STUM: variants seen among roughly 807,000 people sequenced by gnomAD.
The protein encoded by STUM is stum, mechanosensory transduction mediator homolog, also known as protein stum homolog.
In STUM, 8 loss-of-function variants were observed where a neutral mutation model predicts 15.3. The ratio of observed to expected loss-of-function variants is 0.52; its 90% CI spans 0.31 to 0.94. The LOEUF (loss-of-function observed/expected upper bound fraction) is 0.94, where lower values mean the gene tolerates loss of function less well. Among genes scored for constraint, STUM ranks in the 40% least tolerant of loss-of-function variants. The pLI is 0.05. For missense variants in STUM, 142 were observed against 204.9 expected (o/e 0.69, Z 1.87); for synonymous variants, 78 against 88.7 (o/e 0.88, Z 0.68).
At chr1:226,558,868 GGCAGGGTAGGGTA>G (rs1667492900) in intron 1 of STUM, among the ~76,000 whole-genome samples, 1 of 152,172 alleles carries the variant, frequency 6.6e-6, no homozygotes, top group East Asian at 1.9e-4. Context: ...CACAATCTGG[GGCAGGGTAGGGTA>G]GCAGGTGTGT....
chr1:226,584,368 T>C (rs1486490970), intron 1 of STUM, among the ~76,000 whole-genome samples: 1 of 152,266 alleles, frequency 6.6e-6, no homozygotes, highest in East Asian at 1.9e-4. Context: ...TGTTAAGGCC[T>C]GAGCCAGGAA....
intron 1 of STUM, among the ~76,000 whole-genome samples, chr1:226,573,099 A>C (rs1450394334): frequency 6.6e-6 from 1 of 152,164 alleles, no homozygotes; most frequent in African/African-American, 2.4e-5. Flanking sequence ...TTGGTCCAGC[A>C]CCTGCTGTAG....
intron 2 of STUM, chr1:226,597,385 C>T: frequency 2.1e-6 from 1 of 475,386 alleles, no homozygotes; most frequent in South Asian, 1.5e-5. Context: ...CCCATACCAC[C>T]ATCCACGTTC....
At chr1:226,554,952 G>A (rs953894784) in intron 1 of STUM, among the ~76,000 whole-genome samples, 2 of 152,144 alleles carry the variant, frequency 1.3e-5, no homozygotes, top group South Asian at 4.2e-4. Flanking sequence ...TGTCAGGGTC[G>A]CCAGTCTCCT....
At chr1:226,573,572 G>T (rs1667754817) in intron 1 of STUM, among the ~76,000 whole-genome samples, 1 of 152,016 alleles carries the variant, frequency 6.6e-6, no homozygotes, top group South Asian at 2.1e-4. Context: ...CTTTTTACAT[G>T]GTGACTCATA....
intron 1 of STUM, among the ~76,000 whole-genome samples, chr1:226,563,588 C>T (rs1480974090): frequency 1.3e-5 from 2 of 152,252 alleles, no homozygotes; most frequent in East Asian, 1.9e-4. Context: ...TGCAGGATTC[C>T]TTTGGGGCTG....
At position 226,606,002 on chromosome 1, in the gene STUM, C is replaced by A. The variant is rs1459064834; in HGVS notation, c.*3962C>A. On this transcript the variant is annotated 3_prime_UTR_variant, in exon 4 of 4. Coordinates refer to ENST00000366788, the MANE Select transcript of STUM (RefSeq NM_001003665.4). ...ATGCAGGATGCCCAGGGCTCGGAAG[C>A]AGTAAGGAGGATGCTACAGAAAGGA... The A allele has an allele frequency of 1.3e-5, 2 of 152,196 alleles. No homozygotes were observed. The highest frequency in any genetic ancestry group is 4.8e-5 in the African/African-American group (2 of 41,430). The allele number at this position is 152,196 out of a possible 1,614,324, so 9.4% of individuals were successfully genotyped here.
chr1:226,575,354 A>G (rs1474861097), intron 1 of STUM, among the ~76,000 whole-genome samples: 1 of 152,280 alleles, frequency 6.6e-6, no homozygotes, highest in Admixed American at 6.5e-5. Context: ...GAAAGTTGAC[A>G]GTCAGCTCCA....
intron 1 of STUM, among the ~76,000 whole-genome samples, chr1:226,586,680 G>T (rs1444028915): frequency 6.6e-6 from 1 of 152,084 alleles, no homozygotes; most frequent in African/African-American, 2.4e-5. Flanking sequence ...AACCCCTCTC[G>T]GTTTTTAATC....
intron 1 of STUM, among the ~76,000 whole-genome samples, chr1:226,574,739 T>A (rs1308152977): frequency 6.6e-6 from 1 of 152,014 alleles, no homozygotes; most frequent in East Asian, 1.9e-4. Context: ...AGACCTCACA[T>A]AAACAAGTGC....
intron 1 of STUM, among the ~76,000 whole-genome samples, chr1:226,595,234 G>A (rs970825414): frequency 2.6e-5 from 4 of 152,198 alleles, no homozygotes; most frequent in Non-Finnish European, 4.4e-5. Context: ...AAGATAAAGC[G>A]TCTCACCCTG....
At chr1:226,589,327 G>T (rs894183322) in intron 1 of STUM, among the ~76,000 whole-genome samples, 3 of 152,124 alleles carry the variant, frequency 2.0e-5, no homozygotes, top group Non-Finnish European at 4.4e-5. Context: ...TTCTCTTCTC[G>T]TGCCTGACAG....
intron 1 of STUM, among the ~76,000 whole-genome samples, chr1:226,577,522 C>T (rs1339449084): frequency 1.3e-5 from 2 of 151,704 alleles, no homozygotes; most frequent in African/African-American, 4.9e-5. Flanking sequence ...CACACACACT[C>T]ACACACTCAG....
chr1:226,560,003 A>G (rs1174824477), intron 1 of STUM, among the ~76,000 whole-genome samples: 3 of 148,846 alleles, frequency 2.0e-5, no homozygotes, highest in South Asian at 4.3e-4. Flanking sequence ...GCCAGGTATG[A>G]TGGCGGGCGC....
At chr1:226,573,425 A>C (rs1667752813) in intron 1 of STUM, among the ~76,000 whole-genome samples, 1 of 152,218 alleles carries the variant, frequency 6.6e-6, no homozygotes, top group African/African-American at 2.4e-5. Flanking sequence ...GGTTCACAGA[A>C]CAGTAAAATC....
chr1:226,601,490 TG>T (rs1668261497), intron 3 of STUM, among the ~76,000 whole-genome samples: 1 of 152,236 alleles, frequency 6.6e-6, no homozygotes, highest in Admixed American at 6.5e-5. Context: ...AAAGGACTCA[TG>T]ATCAACAATG....
intron 3 of STUM, 78 bp from the exon 4 acceptor site, chr1:226,601,928 C>G (rs1262358110): frequency 7.8e-7 from 1 of 1,278,208 alleles, no homozygotes; most frequent in Non-Finnish European, 1.1e-6. Flanking sequence ...TGTGTGCATT[C>G]TGGGCTAGGG....
chr1:226,563,072 T>C (rs1223216329), intron 1 of STUM, among the ~76,000 whole-genome samples: 2 of 152,198 alleles, frequency 1.3e-5, no homozygotes, highest in Non-Finnish European at 2.9e-5. Context: ...ATGTTAAAAG[T>C]TGGGAATCTG....
chr1:226,592,035 T>C (rs1668094229), intron 1 of STUM, among the ~76,000 whole-genome samples: 2 of 151,592 alleles, frequency 1.3e-5, no homozygotes, highest in Non-Finnish European at 1.5e-5. Context: ...TCTTTCCTTA[T>C]TATTATTAAT....
Sources: gnomAD v4.1 joint callset for allele counts (sites outside exome capture counted in the v4.1 genomes callset) on GRCh38, gnomAD v4.1.1 for gene constraint, MANE v1.5 for transcripts, NCBI Gene and HGNC (gene_info 2026-07-23, HGNC 2026-07-21) for gene names.